Variants in SLC2A10 observed in about 807,000 individuals in gnomAD.
The protein encoded by SLC2A10 is solute carrier family 2 member 10, also known as solute carrier family 2, facilitated glucose transporter member 10.
A neutral mutation model predicts 32.1 loss-of-function variants in SLC2A10; 25 were observed. The ratio of observed to expected loss-of-function variants is 0.78; its 90% CI spans 0.57 to 1.09. The LOEUF (loss-of-function observed/expected upper bound fraction) is 1.09, where lower values mean the gene tolerates loss of function less well. SLC2A10 is among the 50% of genes least tolerant of loss of function. The probability of loss-of-function intolerance (pLI) is 0.00; values close to 1 mark genes in which losing one functional copy is unlikely to be tolerated. For missense variants in SLC2A10, 673 were observed against 686.5 expected, an observed-to-expected ratio of 0.98 and a Z score of 0.22; for synonymous variants, 332 against 309.6, an observed-to-expected ratio of 1.07 and a Z score of -0.76.
chr20:46,731,277 T>TG (rs1980285064), intron 4 of SLC2A10, among the ~76,000 whole-genome samples: 1 of 151,816 alleles, frequency 6.6e-6, no homozygotes, highest in Non-Finnish European at 1.5e-5. Context: ...TGCCAGAGGA[T>TG]GGGGGAGGGG....
At position 46,734,076 on chromosome 20, in the gene SLC2A10, G is replaced by A. The variant is rs993422177; in HGVS notation, c.*242G>A. On this transcript the variant is annotated 3_prime_UTR_variant, in exon 5 of 5. Coordinates refer to ENST00000359271, the MANE Select transcript of SLC2A10 (RefSeq NM_030777.4). ...AGCTTCATGCCTCAGTTTCCCCATT[G>A]ACTTGCACATCTCTGCAGTATTTAT... The A allele has an allele frequency of 2.7e-5, 16 of 587,538 alleles. No homozygotes were observed. 36.4% of individuals were successfully genotyped at this position (587,538 alleles called of 1,614,324 possible). A position where few individuals can be genotyped will look rare whatever the true frequency, so the allele number is the denominator to read the frequency against.
At chr20:46,715,761 A>T (rs1979201081) in intron 1 of SLC2A10, among the ~76,000 whole-genome samples, 1 of 152,182 alleles carries the variant, frequency 6.6e-6, no homozygotes, top group Non-Finnish European at 1.5e-5. Context: ...TTTATAATGG[A>T]GCAGTCAAGA....
chr20:46,711,074 T>C (rs947176656), intron 1 of SLC2A10, among the ~76,000 whole-genome samples: 8 of 146,388 alleles, frequency 5.5e-5, no homozygotes, highest in South Asian at 2.1e-4. Context: ...GGTTTCACCA[T>C]GTTGGCCAGG....
chr20:46,731,782 T>C (rs1980312774), intron 4 of SLC2A10, among the ~76,000 whole-genome samples: 1 of 152,124 alleles, frequency 6.6e-6, no homozygotes, highest in Non-Finnish European at 1.5e-5. Context: ...AACTCGACTT[T>C]AGGAACACAG....
chr20:46,733,671 G>T (rs1980412096), intron 4 of SLC2A10, 85 bp from the exon 5 acceptor site: 3 of 1,043,374 alleles, frequency 2.9e-6, no homozygotes, highest in Non-Finnish European at 4.5e-6. Context: ...GGATTGGGTG[G>T]TGGGAACCCC....
At chr20:46,724,849 T>C (rs59386460) in intron 1 of SLC2A10, among the ~76,000 whole-genome samples, 192 bp from the exon 2 acceptor site, 2 of 103,790 alleles carry the variant, frequency 1.9e-5, no homozygotes, top group East Asian at 3.2e-4. Context: ...GGATGGATGG[T>C]TGAATTGATG....
intron 1 of SLC2A10, among the ~76,000 whole-genome samples, chr20:46,719,120 C>T (rs949842785): frequency 2.7e-5 from 4 of 150,224 alleles, no homozygotes; most frequent in Admixed American, 2.7e-4. Context: ...TATATTTGGG[C>T]GGAGGGGGGT....
At chr20:46,708,699 C>A (rs1192003376), upstream of SLC2A10, among the ~76,000 whole-genome samples, 1 of 152,194 alleles carries the variant, frequency 6.6e-6, no homozygotes, top group Non-Finnish European at 1.5e-5. Flanking sequence ...AGTTAGAACT[C>A]CCCAGTTATC....
intron 3 of SLC2A10, among the ~76,000 whole-genome samples, chr20:46,728,060 G>A (rs1980072212): frequency 1.3e-5 from 2 of 152,008 alleles, no homozygotes; most frequent in Non-Finnish European, 2.9e-5. Flanking sequence ...AAATGAGTGA[G>A]AGAGGAGAAA....
upstream of SLC2A10, chr20:46,709,513 C>A (rs1163494294): frequency 1.3e-5 from 6 of 477,832 alleles, no homozygotes; most frequent in Non-Finnish European, 1.4e-5. Flanking sequence ...AGGCCTGGGG[C>A]GGCCGGGGGC....
chr20:46,714,546 C>A (rs1979114845), intron 1 of SLC2A10: 1 of 152,702 alleles, frequency 6.5e-6, no homozygotes, highest in South Asian at 2.1e-4. Flanking sequence ...AACAAGGGGA[C>A]CCTTTCCTTG....
intron 1 of SLC2A10, among the ~76,000 whole-genome samples, chr20:46,713,297 G>C (rs950037769): frequency 6.6e-6 from 1 of 152,084 alleles, no homozygotes; most frequent in Non-Finnish European, 1.5e-5. Context: ...GAAAAAACAA[G>C]TGGAGAAGGG....
intron 4 of SLC2A10, 51 bp downstream of exon 4, chr20:46,729,539 G>GCA: frequency 6.3e-7 from 1 of 1,575,622 alleles, no homozygotes; most frequent in Non-Finnish European, 8.7e-7. Flanking sequence ...CACACCCCAA[G>GCA]CACACAGCTT....
upstream of SLC2A10, chr20:46,709,522 G>C: frequency 2.0e-6 from 1 of 501,486 alleles, no homozygotes; most frequent in Admixed American, 4.5e-5. Flanking sequence ...GCGGCCGGGG[G>C]CGGTCCTGGG....
intron 1 of SLC2A10, among the ~76,000 whole-genome samples, chr20:46,724,767 G>A (rs998722326): frequency 4.0e-5 from 6 of 150,820 alleles, no homozygotes; most frequent in African/African-American, 1.5e-4. Context: ...TGAATGGATG[G>A]ATGGTTGAAT....
chr20:46,709,965 G>A lies in SLC2A10; in HGVS notation c.4+225G>A. On this transcript the variant is annotated intron_variant, in intron 1 of 4. Transcript: ENST00000359271. ...TCTTCCTTTCTGCCCCGGAAAAGTG[G>A]CCCCTCACTTGCTGCAGCGCCCACT... The A allele has an allele frequency of 1.1e-5, 6 of 559,860 alleles. No homozygotes were observed. The South Asian group carries it at 1.4e-4, about 13-fold the overall frequency. 34.7% of individuals were successfully genotyped at this position (559,860 alleles called of 1,614,324 possible). A position where few individuals can be genotyped will look rare whatever the true frequency, so the allele number is the denominator to read the frequency against.
intron 1 of SLC2A10, among the ~76,000 whole-genome samples, chr20:46,714,959 ATC>A (rs991185604): frequency 3.3e-5 from 5 of 152,024 alleles, no homozygotes; most frequent in African/African-American, 1.2e-4. Context: ...CACCGCACCT[ATC>A]TCTGATTGAC....
intron 1 of SLC2A10, among the ~76,000 whole-genome samples, chr20:46,719,881 T>G (rs1056409065): frequency 6.6e-6 from 1 of 152,188 alleles, no homozygotes; most frequent in African/African-American, 2.4e-5. Context: ...TAGCCCTGTT[T>G]TACAGGTGAG....
At chr20:46,721,953 C>T (rs939674116) in intron 1 of SLC2A10, among the ~76,000 whole-genome samples, 2 of 152,132 alleles carry the variant, frequency 1.3e-5, no homozygotes, top group African/African-American at 2.4e-5. Flanking sequence ...GTTTACTACA[C>T]CCAGAGGCTT....
Sources: allele counts gnomAD v4.1 joint callset (sites outside exome capture counted in the v4.1 genomes callset), GRCh38; gene constraint gnomAD v4.1.1; transcripts MANE v1.5; gene names NCBI Gene and HGNC (gene_info 2026-07-23, HGNC 2026-07-21).